UGT1A3: variants seen among roughly 807,000 people sequenced by gnomAD.
The protein encoded by UGT1A3 is UDP-glucuronosyltransferase 1A3.
A neutral mutation model predicts 41.0 loss-of-function variants in UGT1A3; 31 were observed. The observed-to-expected ratio is 0.76, with a 90% CI of 0.57 to 1.02. UGT1A3 has a LOEUF of 1.02. Ranked by LOEUF, UGT1A3 falls within the 50% of genes least tolerant of loss-of-function variation. The pLI is 0.00. For synonymous variants in UGT1A3, 262 were observed against 257.6 expected, an observed-to-expected ratio of 1.02 and a Z score of -0.17; for missense variants, 737 against 671.0, an observed-to-expected ratio of 1.10 and a Z score of -1.09.
Position 233,772,408 on chromosome 2 carries a change from A to C in UGT1A3, c.1454A>C (p.Tyr485Ser), listed in dbSNP as rs1700517999. 1 of 1,614,210 alleles carries C rather than the reference A, an allele frequency of 6.2e-7. No individual in the cohort carries two copies. Among genetic ancestry groups the C allele is most frequent in the Non-Finnish European group, 8.5e-7 (1 of 1,180,026 alleles). ...CCCGCAGCCCACGACCTCACCTGGT[A>C]CCAGTACCATTCCTTGGACGTGATT... is the stretch of plus-strand genomic sequence containing the variant. ...LRPAAHDLTWYQYHSLDVIGF... is the reference protein window; with the variant it reads ...LRPAAHDLTWSQYHSLDVIGF... Residue 485 changes from tyrosine (Y) to serine (S), a missense_variant, in exon 5 of 5, where the codon TAC becomes TCC. Physicochemically the swap from Tyr to Ser is moderately radical, Grantham distance 144 (BLOSUM62 -2). Transcript: ENST00000482026.
intron 1 of UGT1A3, among the ~76,000 whole-genome samples, chr2:233,735,578 G>A (rs576016505): frequency 1.6e-4 from 25 of 152,112 alleles, no homozygotes; most frequent in Non-Finnish European, 2.9e-4. Context: ...TATTTTGCCC[G>A]TTAATTGATG....
At chr2:233,761,102 T>C (rs1487885628) in intron 1 of UGT1A3, 1 of 1,614,116 alleles carries the variant, frequency 6.2e-7, no homozygotes, top group Admixed American at 1.7e-5. Context: ...ATGCCCAATA[T>C]GGTTTTTGTT....
chr2:233,749,993 A>G (rs1274473533), intron 1 of UGT1A3, among the ~76,000 whole-genome samples: 2 of 151,856 alleles, frequency 1.3e-5, no homozygotes, highest in African/African-American at 4.9e-5. Context: ...GGACTAATAT[A>G]TTAAATTGGT....
intron 1 of UGT1A3, chr2:233,753,301 C>T (rs1695176725): frequency 6.6e-6 from 1 of 152,212 alleles, no homozygotes; most frequent in East Asian, 1.9e-4. Flanking sequence ...TGTGAGACCC[C>T]GTGTGCCCCT....
intron 1 of UGT1A3, chr2:233,753,285 G>A (rs1446489164): frequency 6.6e-6 from 1 of 152,238 alleles, no homozygotes; most frequent in Admixed American, 6.5e-5. Context: ...TGATTTCAGA[G>A]TTCAGTGTGA....
intron 1 of UGT1A3, among the ~76,000 whole-genome samples, chr2:233,764,316 C>G (rs1044416342): frequency 6.6e-6 from 1 of 152,124 alleles, no homozygotes; most frequent in Non-Finnish European, 1.5e-5. Context: ...TTAAGGGAAG[C>G]TTTGCCAAGT....
At chr2:233,735,700 G>A (rs940691560) in intron 1 of UGT1A3, among the ~76,000 whole-genome samples, 1 of 151,948 alleles carries the variant, frequency 6.6e-6, no homozygotes, top group African/African-American at 2.4e-5. Context: ...TGTAAGGCAG[G>A]CCTGGTGGTG....
intron 3 of UGT1A3, 134 bp from the exon 4 acceptor site, chr2:233,768,086 A>T: frequency 1.3e-6 from 2 of 1,591,428 alleles, no homozygotes; most frequent in Non-Finnish European, 8.6e-7. Flanking sequence ...ATCTCAACCC[A>T]CATTTTCTTC....
chr2:233,752,891 G>A (rs76026343), intron 1 of UGT1A3, among the ~76,000 whole-genome samples: 3,078 of 152,286 alleles, frequency 0.02, 63 homozygotes, highest in Non-Finnish European at 0.029. Context: ...ACTAGCCAGC[G>A]TTGTTACAGA....
chr2:233,769,507 T>C lies in UGT1A3; in HGVS notation c.1307+1068T>C. 6.2e-7 allele frequency: 1 copy of C among 1,612,744 alleles called. No homozygotes were observed. Among genetic ancestry groups the C allele is most frequent in the South Asian group, 1.1e-5 (1 of 91,058 alleles). The stretch of plus-strand genomic sequence containing the variant: ...TGTGTTTATGAGAGTGTCCATTGCT[T>C]TCTCCCATGGTTACCTCCTTTAGAA... On this transcript the variant is annotated intron_variant, in intron 4 of 4. Coordinates refer to ENST00000482026, the MANE Select transcript of UGT1A3 (RefSeq NM_019093.4). This position sits in a 1 kb window ranked among gnomAD's most constrained non-coding sequence, Gnocchi z 4.4.
At position 233,729,060 on chromosome 2, in the gene UGT1A3, A is replaced by G. The variant is rs1266592558; in HGVS notation, c.-67A>G. 4 of 1,610,542 alleles carry G rather than the reference A, an allele frequency of 2.5e-6. No homozygotes were observed. The highest frequency in any genetic ancestry group is 3.4e-6 in the Non-Finnish European group (4 of 1,179,058). ...GTGGCTCAGTGACAAGGTAATTAAG[A>G]TGAAGAAAGCAAATGTAGCAGGCAC... On this transcript the variant is annotated 5_prime_UTR_variant, in exon 1 of 5. The change abolishes an upstream ATG in the 5' untranslated region. Coordinates refer to ENST00000482026, the MANE Select transcript of UGT1A3 (RefSeq NM_019093.4).
At chr2:233,734,436 C>G (rs1368482825) in intron 1 of UGT1A3, among the ~76,000 whole-genome samples, 2 of 151,658 alleles carry the variant, frequency 1.3e-5, no homozygotes, top group Admixed American at 1.3e-4. Context: ...TTAGTCTTGC[C>G]AGAGGTCTAT....
chr2:233,769,591 A>G lies in UGT1A3; in HGVS notation c.1307+1152A>G. ...CTGGAGCATGTTCAGATGAGAGGAGACGGAACACGGGGACACACCAGCTTG... is the reference window on the plus strand; with the variant it reads ...CTGGAGCATGTTCAGATGAGAGGAGGCGGAACACGGGGACACACCAGCTTG... On this transcript the variant is annotated intron_variant, in intron 4 of 4. Transcript: ENST00000482026. The surrounding 1 kb of genome is among the most constrained non-coding windows in gnomAD (Gnocchi z 4.4). The G allele has an allele frequency of 6.2e-7, 1 of 1,612,772 alleles. No individual in the cohort carries two copies. The highest frequency in any genetic ancestry group is 8.5e-7 in the Non-Finnish European group (1 of 1,179,866).
chr2:233,744,000 G>T, intron 1 of UGT1A3: 1 of 1,221,194 alleles, frequency 8.2e-7, no homozygotes, highest in South Asian at 1.4e-5. Flanking sequence ...CGAGTGCTCG[G>T]AGACCTGGGC....
chr2:233,756,450 A>G (rs1426774092), intron 1 of UGT1A3: 1 of 152,082 alleles, frequency 6.6e-6, no homozygotes. Flanking sequence ...TTCCCCCCAA[A>G]TATTTTCAAT....
At chr2:233,750,164 A>C (rs1331972474) in intron 1 of UGT1A3, among the ~76,000 whole-genome samples, 1 of 151,848 alleles carries the variant, frequency 6.6e-6, no homozygotes, top group Non-Finnish European at 1.5e-5. Context: ...AATGGTTTTG[A>C]CCAAAATGCT....
intron 1 of UGT1A3, among the ~76,000 whole-genome samples, chr2:233,765,914 G>T (rs914131735): frequency 6.6e-6 from 1 of 152,098 alleles, no homozygotes; most frequent in Admixed American, 6.5e-5. Flanking sequence ...CTCTAGGGGA[G>T]CATACAGACG....
Position 233,767,829 on chromosome 2 carries a change from G to A in UGT1A3, c.1000-20G>A. On this transcript the variant is annotated intron_variant, in intron 2 of 4. Coordinates refer to ENST00000482026, the MANE Select transcript of UGT1A3 (RefSeq NM_019093.4). ...ATATTATGTTCTTTCTTTACGTTCT[G>A]CTCTTTTTGCCCCTCCCAGGTCCTG... 6.2e-7 allele frequency: 1 copy of A among 1,614,106 alleles called. No individual in the cohort carries two copies.
At chr2:233,757,576 G>A (rs1017226223) in intron 1 of UGT1A3, among the ~76,000 whole-genome samples, 2 of 82,708 alleles carry the variant, frequency 2.4e-5, no homozygotes, top group African/African-American at 1.1e-4. Flanking sequence ...ATATGATATA[G>A]CTATAGTCTA....
Sources: allele counts gnomAD v4.1 joint callset (sites outside exome capture counted in the v4.1 genomes callset), GRCh38; gene constraint gnomAD v4.1.1; non-coding constraint Gnocchi (gnomAD v3.1); transcripts MANE v1.5; gene names NCBI Gene and HGNC (gene_info 2026-07-23, HGNC 2026-07-21).